Variants in FAM210A observed in about 807,000 individuals in gnomAD.
The protein encoded by FAM210A is family with sequence similarity 210 member A.
FAM210A carries 13 observed loss-of-function variants against 25.3 expected under a neutral mutation model. The observed-to-expected ratio is 0.51, with a 90% CI of 0.33 to 0.82. FAM210A has a LOEUF of 0.82. Among genes scored for constraint, FAM210A ranks in the 40% least tolerant of loss-of-function variants. FAM210A has a pLI of 0.02. For missense variants in FAM210A, 319 were observed against 323.2 expected, an observed-to-expected ratio of 0.99 and a Z score of 0.10; for synonymous variants, 125 against 118.7, an observed-to-expected ratio of 1.05 and a Z score of -0.35.
At chr18:13,678,823 C>T (rs933991631) in intron 2 of FAM210A, among the ~76,000 whole-genome samples, 4 of 152,180 alleles carry the variant, frequency 2.6e-5, no homozygotes, top group Admixed American at 6.5e-5. Context: ...CATTCACTGT[C>T]TGGATAAAGT....
chr18:13,685,027 CAA>C (rs2043585105), intron 1 of FAM210A, among the ~76,000 whole-genome samples: 1 of 151,976 alleles, frequency 6.6e-6, no homozygotes, highest in Admixed American at 6.5e-5. Context: ...TACAACTTAA[CAA>C]AATCTGTGGG....
At chr18:13,714,985 G>C (rs948726) in intron 1 of FAM210A, 1 of 151,980 alleles carries the variant, frequency 6.6e-6, no homozygotes, top group Non-Finnish European at 1.5e-5. Flanking sequence ...TACTAGGTTA[G>C]TGAAGATATA....
At chr18:13,713,897 T>C (rs1303417336) in intron 1 of FAM210A, among the ~76,000 whole-genome samples, 1 of 152,126 alleles carries the variant, frequency 6.6e-6, no homozygotes, top group Non-Finnish European at 1.5e-5. Flanking sequence ...TGGCCTGAAA[T>C]ATTTACTAAG....
intron 1 of FAM210A, among the ~76,000 whole-genome samples, chr18:13,706,681 T>C (rs1170943333): frequency 6.6e-6 from 1 of 152,256 alleles, no homozygotes; most frequent in African/African-American, 2.4e-5. Flanking sequence ...ATAGGCTTTA[T>C]AGCAGTTTCT....
intron 1 of FAM210A, among the ~76,000 whole-genome samples, chr18:13,686,932 C>A (rs1389596971): frequency 1.3e-5 from 2 of 152,142 alleles, no homozygotes; most frequent in Non-Finnish European, 2.9e-5. Context: ...GGCCCTAATA[C>A]CAAAACCAGC....
chr18:13,672,056 C>T, intron 2 of FAM210A, 83 bp from the exon 3 acceptor site: 1 of 936,922 alleles, frequency 1.1e-6, no homozygotes. Flanking sequence ...CAAAACCACA[C>T]TATAATTTTA....
At chr18:13,713,725 A>AACACACAC (rs55691136) in intron 1 of FAM210A, among the ~76,000 whole-genome samples, 1,891 of 141,984 alleles carry the variant, frequency 0.013, 39 homozygotes, top group African/African-American at 0.04. Context: ...GTCACTATAA[A>AACACACAC]ACACACACAC....
At chr18:13,673,894 C>A (rs1304041928) in intron 2 of FAM210A, among the ~76,000 whole-genome samples, 1 of 106,998 alleles carries the variant, frequency 9.3e-6, no homozygotes, top group Non-Finnish European at 1.8e-5. Flanking sequence ...TGATTATTAA[C>A]ATTCCTGAGC....
intron 1 of FAM210A, among the ~76,000 whole-genome samples, chr18:13,692,341 T>C (rs1052751443): frequency 2.6e-5 from 4 of 152,174 alleles, no homozygotes; most frequent in African/African-American, 7.2e-5. Context: ...GACAGATCAA[T>C]GAGACAGAAA....
intron 1 of FAM210A, among the ~76,000 whole-genome samples, chr18:13,722,403 C>T (rs774528310): frequency 1.3e-5 from 2 of 151,968 alleles, no homozygotes; most frequent in African/African-American, 2.4e-5. Flanking sequence ...GAGCTCTTCA[C>T]GGATTCCTGA....
At chr18:13,698,090 C>A (rs961932103) in intron 1 of FAM210A, among the ~76,000 whole-genome samples, 1 of 152,076 alleles carries the variant, frequency 6.6e-6, no homozygotes, top group Non-Finnish European at 1.5e-5. Flanking sequence ...TGGTGGCTCA[C>A]GCCTGTAATC....
chr18:13,669,581 C>T (rs545996207), intron 3 of FAM210A, among the ~76,000 whole-genome samples: 39 of 152,292 alleles, frequency 2.6e-4, no homozygotes, highest in African/African-American at 8.4e-4. Context: ...ATCCATACCC[C>T]CATCCCTGGT....
At chr18:13,721,747 C>T (rs1055359132) in intron 1 of FAM210A, among the ~76,000 whole-genome samples, 2 of 152,096 alleles carry the variant, frequency 1.3e-5, no homozygotes, top group African/African-American at 4.8e-5. Flanking sequence ...GTTAAACTTC[C>T]ATTGACCACC....
rs183791805 is a variant in FAM210A at position 13,672,609 on chromosome 18, C to T, written c.474-636G>A. Among the ~76,000 whole-genome samples, 102 of 152,300 alleles carry T rather than the reference C, an allele frequency of 6.7e-4. 1 individual carries two copies. Among genetic ancestry groups the T allele is most frequent in the African/African-American group, 2.3e-3 (97 of 41,584 alleles). Reference sequence around the variant, plus strand: ...ATTTTTAGTAGACATGGGGCTTCATCATGTAGGCCAGGATGGTGTCCATCT... The same window carrying T: ...ATTTTTAGTAGACATGGGGCTTCATTATGTAGGCCAGGATGGTGTCCATCT... On this transcript the variant is annotated intron_variant, in intron 2 of 3. Transcript: ENST00000651643.
chr18:13,704,184 A>T (rs890524413), intron 1 of FAM210A, among the ~76,000 whole-genome samples: 1 of 152,220 alleles, frequency 6.6e-6, no homozygotes, highest in Non-Finnish European at 1.5e-5. Flanking sequence ...GTGTGAGGAA[A>T]GTGAAATGTG....
At chr18:13,716,247 T>C (rs916585167) in intron 1 of FAM210A, among the ~76,000 whole-genome samples, 1 of 152,158 alleles carries the variant, frequency 6.6e-6, no homozygotes, top group Non-Finnish European at 1.5e-5. Flanking sequence ...GATAAGGTAA[T>C]GGAAAGTGTT....
Position 13,690,948 on chromosome 18 carries a change from A to G in FAM210A, c.-28-8843T>C, listed in dbSNP as rs147305503. Among the ~76,000 whole-genome samples, 180 of 152,326 alleles carry G rather than the reference A, an allele frequency of 1.2e-3. 1 individual carries two copies. Among genetic ancestry groups the G allele is most frequent in the African/African-American group, 4.1e-3 (169 of 41,574 alleles). ...AAGGCTTCAGACGATCGGTAATAAC[A>G]AACTTCTCCAAGCTAAAGGAAGATG... is the stretch of plus-strand genomic sequence containing the variant. On this transcript the variant is annotated intron_variant, in intron 1 of 3. Transcript: ENST00000651643.
At position 13,678,805 on chromosome 18, in the gene FAM210A, C is replaced by G. The variant is rs975355917; in HGVS notation, c.473+2800G>C. Among the ~76,000 whole-genome samples, 23 of 152,168 alleles carry G rather than the reference C, an allele frequency of 1.5e-4. 1 individual carries two copies. The highest frequency in any genetic ancestry group is 1.2e-3 in the Admixed American group (18 of 15,280). ...CCACAGATGAAGAAACACACAAGGACAAAAGCACATTCACTGTCTGGATAA... is the reference window on the plus strand; with the variant it reads ...CCACAGATGAAGAAACACACAAGGAGAAAAGCACATTCACTGTCTGGATAA... On this transcript the variant is annotated intron_variant, in intron 2 of 3. Coordinates refer to ENST00000651643, the MANE Select transcript of FAM210A (RefSeq NM_152352.4).
chr18:13,683,779 C>A (rs2043574680), intron 1 of FAM210A, among the ~76,000 whole-genome samples: 1 of 152,136 alleles, frequency 6.6e-6, no homozygotes, highest in South Asian at 2.1e-4. Context: ...GACACTTTAA[C>A]TATATCCTAA....
Sources: allele counts gnomAD v4.1 joint callset (sites outside exome capture counted in the v4.1 genomes callset), GRCh38; gene constraint gnomAD v4.1.1; transcripts MANE v1.5; gene names NCBI Gene and HGNC (gene_info 2026-07-23, HGNC 2026-07-21).